The following HGF variants were observed in gnomAD, a reference collection of about 807,000 sequenced individuals.
The protein encoded by HGF is fibroblast-derived tumor cytotoxic factor.
Under a neutral mutation model 111.6 loss-of-function variants are expected in HGF, and 39 were observed. The ratio of observed to expected loss-of-function variants is 0.35; its 90% CI spans 0.27 to 0.46. The LOEUF (loss-of-function observed/expected upper bound fraction) is 0.46. HGF is among the 20% of genes least tolerant of loss of function. The pLI is 1.00. For missense variants in HGF, 735 were observed against 910.5 expected, an observed-to-expected ratio of 0.81 and a Z score of 2.48; for synonymous variants, 285 against 294.8, an observed-to-expected ratio of 0.97 and a Z score of 0.34.
chr7:81,748,981 G>C (rs1203546690), intron 5 of HGF, among the ~76,000 whole-genome samples: 1 of 152,098 alleles, frequency 6.6e-6, no homozygotes, highest in African/African-American at 2.4e-5. Flanking sequence ...TTTTTAATTA[G>C]TGTTTGTTTT....
intron 2 of HGF, 46 bp downstream of exon 2, chr7:81,762,661 T>G: frequency 1.5e-6 from 2 of 1,304,032 alleles, no homozygotes; most frequent in Non-Finnish European, 2.2e-6. Context: ...AATACATGCA[T>G]GCTATATTTG....
At chr7:81,705,237 G>C (rs769761971) in intron 17 of HGF, among the ~76,000 whole-genome samples, 153 bp downstream of exon 17, 1 of 151,816 alleles carries the variant, frequency 6.6e-6, no homozygotes, top group Non-Finnish European at 1.5e-5. Context: ...TGAAAGAAAT[G>C]CAGAATATTA....
In HGF at chr7:81,700,809, A is replaced by G. The variant is rs1789259025; in HGVS notation, c.*1772T>C. 1 of 151,562 alleles carries G rather than the reference A, an allele frequency of 6.6e-6. No individual in the cohort carries two copies. Among genetic ancestry groups the G allele is most frequent in the African/African-American group, 2.4e-5 (1 of 41,384 alleles). The allele number at this position is 151,562 out of a possible 1,614,324, so 9.4% of individuals were successfully genotyped here. Reference sequence around the variant, plus strand: ...CCAGCACATATCTTATTATGAAAAAAAAATTGTATAAGCATTTCTGGACTC... The same window carrying G: ...CCAGCACATATCTTATTATGAAAAAGAAATTGTATAAGCATTTCTGGACTC... On this transcript the variant is annotated 3_prime_UTR_variant, in exon 18 of 18. Coordinates refer to ENST00000222390, the MANE Select transcript of HGF (RefSeq NM_000601.6).
chr7:81,747,505 G>A (rs780182294), intron 5 of HGF, among the ~76,000 whole-genome samples: 12 of 152,156 alleles, frequency 7.9e-5, no homozygotes, highest in Non-Finnish European at 1.3e-4. Context: ...AGGGAAGAGA[G>A]AGTTATGATT....
intron 6 of HGF, 82 bp downstream of exon 6, chr7:81,744,918 G>T: frequency 1.4e-6 from 2 of 1,449,848 alleles, no homozygotes; most frequent in Non-Finnish European, 9.6e-7. Flanking sequence ...ATAATATAAA[G>T]AGAATTTCCA....
intron 17 of HGF, among the ~76,000 whole-genome samples, chr7:81,703,049 T>C (rs903691880): frequency 2.0e-5 from 3 of 151,708 alleles, no homozygotes; most frequent in Non-Finnish European, 4.4e-5. Context: ...GCTTTGCCTT[T>C]GTTGGATGCA....
intron 7 of HGF, among the ~76,000 whole-genome samples, chr7:81,731,397 T>C (rs1348000155): frequency 6.6e-6 from 1 of 152,142 alleles, no homozygotes; most frequent in Non-Finnish European, 1.5e-5. Context: ...AATTGACCCA[T>C]AAAGTGGTAA....
intron 4 of HGF, chr7:81,756,159 G>A: frequency 3.2e-6 from 2 of 632,372 alleles, no homozygotes; most frequent in Non-Finnish European, 5.7e-6. Context: ...GATGGTGACT[G>A]GGCTTATATT....
chr7:81,718,912 A>C (rs1410708192), intron 10 of HGF, among the ~76,000 whole-genome samples: 5 of 152,206 alleles, frequency 3.3e-5, no homozygotes, highest in Non-Finnish European at 5.9e-5. Flanking sequence ...GCTTTAAAAA[A>C]TAGCAGTGCT....
At chr7:81,718,386 A>G (rs1789768288) in intron 10 of HGF, among the ~76,000 whole-genome samples, 1 of 152,002 alleles carries the variant, frequency 6.6e-6, no homozygotes, top group Non-Finnish European at 1.5e-5. Context: ...ATTGAAATCC[A>G]GAGAGGAAAA....
intron 13 of HGF, 59 bp downstream of exon 13, chr7:81,710,088 G>T: frequency 8.6e-7 from 1 of 1,164,744 alleles, no homozygotes; most frequent in South Asian, 1.2e-5. Flanking sequence ...ATATTTCTGG[G>T]AATAGGACTC....
rs1789287096 is a variant in HGF, at chr7:81,701,831, G to A, written c.*750C>T. 1 of 151,854 alleles carries A rather than the reference G, an allele frequency of 6.6e-6. No homozygotes were observed. The highest frequency in any genetic ancestry group is 1.5e-5 in the Non-Finnish European group (1 of 67,908). The allele number at this position is 151,854 out of a possible 1,614,324, so 9.4% of individuals were successfully genotyped here. A position where few individuals can be genotyped will look rare whatever the true frequency, so the allele number is the denominator to read the frequency against. ...GGCCACACCTGAAATGCCAACCAAAGAAGATCATCTGCAGATTATGTATGG... is the reference window on the plus strand; with the variant it reads ...GGCCACACCTGAAATGCCAACCAAAAAAGATCATCTGCAGATTATGTATGG... On this transcript the variant is annotated 3_prime_UTR_variant, in exon 18 of 18. Coordinates refer to ENST00000222390, the MANE Select transcript of HGF (RefSeq NM_000601.6).
chr7:81,715,023 T>C (rs1181903166), intron 11 of HGF, among the ~76,000 whole-genome samples: 1 of 152,112 alleles, frequency 6.6e-6, no homozygotes, highest in Non-Finnish European at 1.5e-5. Context: ...TTTAAAAATA[T>C]TAGTTGAAAA....
intron 9 of HGF, among the ~76,000 whole-genome samples, chr7:81,722,029 C>A (rs898203846): frequency 6.6e-6 from 1 of 152,002 alleles, no homozygotes; most frequent in Admixed American, 6.5e-5. Flanking sequence ...TTTCCCTTAC[C>A]CCATTCATTT....
chr7:81,741,780 A>C (rs1788013660), intron 7 of HGF, among the ~76,000 whole-genome samples: 2 of 151,804 alleles, frequency 1.3e-5, no homozygotes, highest in Non-Finnish European at 2.9e-5. Flanking sequence ...CTCTACTAAA[A>C]ATACAAAATT....
chr7:81,722,845 G>GTA (rs144391393), intron 9 of HGF, among the ~76,000 whole-genome samples: 1,446 of 132,502 alleles, frequency 0.011, 35 homozygotes, highest in African/African-American at 0.023. Context: ...ATTTAAAAAG[G>GTA]TATATATATA....
intron 16 of HGF, 52 bp downstream of exon 16, chr7:81,705,595 G>A (rs1789402528): frequency 1.9e-6 from 3 of 1,598,664 alleles, no homozygotes; most frequent in Non-Finnish European, 2.6e-6. Context: ...AGACAAATGT[G>A]TTCTTTTTAA....
chr7:81,749,280 T>A lies in HGF; in HGVS notation c.625+2840A>T, dbSNP rs192030032. Among the ~76,000 whole-genome samples, 29 of 152,270 alleles carry A rather than the reference T, an allele frequency of 1.9e-4. 1 individual carries two copies. Among genetic ancestry groups the A allele is most frequent in the Admixed American group, 1.4e-3 (22 of 15,284 alleles). ...ATGGCTTAATTAAAATATATTTACTTGATCATTTGACAATCATTAGAAATG... is the reference window on the plus strand; with the variant it reads ...ATGGCTTAATTAAAATATATTTACTAGATCATTTGACAATCATTAGAAATG... On this transcript the variant is annotated intron_variant, in intron 5 of 17. Transcript: ENST00000222390.
chr7:81,757,675 A>G (rs1788847743), intron 3 of HGF, among the ~76,000 whole-genome samples: 1 of 152,188 alleles, frequency 6.6e-6, no homozygotes, highest in Non-Finnish European at 1.5e-5. Flanking sequence ...TATTGAATTC[A>G]AAAAGTTACC....
Sources: gnomAD v4.1 joint callset for allele counts (sites outside exome capture counted in the v4.1 genomes callset) on GRCh38, gnomAD v4.1.1 for gene constraint, MANE v1.5 for transcripts, NCBI Gene and HGNC (gene_info 2026-07-23, HGNC 2026-07-21) for gene names.